The following PTPRD variants were observed in gnomAD, a reference collection of about 807,000 sequenced individuals.
The protein encoded by PTPRD is protein tyrosine phosphatase receptor type D, also known as receptor-type tyrosine-protein phosphatase delta.
In PTPRD, 34 loss-of-function variants were observed where a neutral mutation model predicts 214.5. The ratio of observed to expected loss-of-function variants is 0.16; its 90% CI spans 0.12 to 0.21. PTPRD has a LOEUF of 0.21. PTPRD is among the 10% of genes least tolerant of loss of function. PTPRD has a pLI of 1.00. For synonymous variants in PTPRD, 1,128 were observed against 845.7 expected (o/e 1.33, Z -5.79); for missense variants, 2,545 against 2,398.7 (o/e 1.06, Z -1.27).
At chr9:9,710,032 C>T (rs1009575556) in intron 7 of PTPRD, among the ~76,000 whole-genome samples, 2 of 151,624 alleles carry the variant, frequency 1.3e-5, no homozygotes. Context: ...TTTTTAAAAG[C>T]AGATTTTGTT....
rs147221234 is a variant in PTPRD, at chr9:9,266,748, T to C, written c.-202-83385A>G. 4.3e-3 allele frequency among the ~76,000 whole-genome samples: 646 copies of C among 151,294 alleles called. 2 individuals are homozygous for C. The highest frequency in any genetic ancestry group is 0.015 in the African/African-American group (619 of 41,406). ...GTATCAAAAAGGAATTTAAAAAATA[T>C]TTTGAGACAAATGAAAATGAAAATA... On this transcript the variant is annotated intron_variant, in intron 9 of 45. Transcript: ENST00000381196.
chr9:9,993,459 T>C (rs1202719693), intron 4 of PTPRD, among the ~76,000 whole-genome samples: 2 of 152,176 alleles, frequency 1.3e-5, no homozygotes, highest in African/African-American at 2.4e-5. Context: ...TATAATAAAA[T>C]ATTAAGCAGC....
chr9:9,780,638 T>C (rs1423090852), intron 5 of PTPRD, among the ~76,000 whole-genome samples: 1 of 152,188 alleles, frequency 6.6e-6, no homozygotes, highest in South Asian at 2.1e-4. Flanking sequence ...TTTGGTGATT[T>C]CTTACAAAGC....
intron 10 of PTPRD, among the ~76,000 whole-genome samples, chr9:9,035,298 G>A (rs1175449995): frequency 2.6e-5 from 4 of 152,066 alleles, no homozygotes; most frequent in Admixed American, 2.6e-4. Flanking sequence ...AACGTGTACT[G>A]TAGAAAACCT....
intron 2 of PTPRD, among the ~76,000 whole-genome samples, chr9:10,446,430 T>C (rs985862747): frequency 3.4e-5 from 5 of 146,012 alleles, no homozygotes; most frequent in African/African-American, 1.3e-4. Flanking sequence ...TTTTTTTTTT[T>C]TTTTTTTTTT....
chr9:9,847,658 G>A (rs1193137771), intron 5 of PTPRD, among the ~76,000 whole-genome samples: 1 of 152,068 alleles, frequency 6.6e-6, no homozygotes, highest in East Asian at 1.9e-4. Flanking sequence ...TTCTGTTTCT[G>A]TGGTAGCTTT....
chr9:10,242,601 T>A (rs1364670438), intron 3 of PTPRD, among the ~76,000 whole-genome samples: 1 of 104,116 alleles, frequency 9.6e-6, no homozygotes, highest in Non-Finnish European at 2.0e-5. Context: ...GAGGCAGGCA[T>A]TGAATACATT....
chr9:10,165,691 A>G (rs1012182716), intron 3 of PTPRD, among the ~76,000 whole-genome samples: 12 of 151,698 alleles, frequency 7.9e-5, no homozygotes, highest in African/African-American at 2.7e-4. Flanking sequence ...AATGAATTAA[A>G]ATAATGGAGG....
chr9:10,372,891 C>G (rs961463380), intron 2 of PTPRD, among the ~76,000 whole-genome samples: 1 of 149,884 alleles, frequency 6.7e-6, no homozygotes, highest in Non-Finnish European at 1.5e-5. Context: ...GCTCTATCAC[C>G]CAGGTTGGAG....
chr9:8,721,583 T>C (rs1311391439), intron 12 of PTPRD, among the ~76,000 whole-genome samples: 2 of 152,166 alleles, frequency 1.3e-5, no homozygotes, highest in African/African-American at 2.4e-5. Flanking sequence ...TAAAATAGTT[T>C]ATAATAATGG....
intron 3 of PTPRD, among the ~76,000 whole-genome samples, chr9:10,187,044 G>T (rs957046433): frequency 6.6e-6 from 1 of 152,082 alleles, no homozygotes; most frequent in Non-Finnish European, 1.5e-5. Context: ...TGCTTTTTAA[G>T]AAATCAACAT....
chr9:10,414,346 A>G (rs1251321567), intron 2 of PTPRD, among the ~76,000 whole-genome samples: 1 of 152,044 alleles, frequency 6.6e-6, no homozygotes, highest in Non-Finnish European at 1.5e-5. Flanking sequence ...AAAGCTCAAT[A>G]TTACTGATCA....
chr9:8,697,026 G>C (rs1597275323), intron 12 of PTPRD, among the ~76,000 whole-genome samples: 1 of 152,150 alleles, frequency 6.6e-6, no homozygotes, highest in African/African-American at 2.4e-5. Flanking sequence ...GAGAACAACA[G>C]TAACAGTTTC....
intron 11 of PTPRD, among the ~76,000 whole-genome samples, chr9:8,776,076 G>A (rs977417880): frequency 6.6e-6 from 1 of 152,118 alleles, no homozygotes; most frequent in Non-Finnish European, 1.5e-5. Flanking sequence ...TTTAAAAGCA[G>A]ACAATAACAA....
chr9:9,352,327 A>ATATATATATATGTGTG lies in PTPRD; in HGVS notation c.-203+45121_-203+45122insCACACATATATATATA, dbSNP rs1555280411. On this transcript the variant is annotated intron_variant, in intron 9 of 45. Coordinates refer to ENST00000381196, the MANE Select transcript of PTPRD (RefSeq NM_002839.4). ...CAAAAAACCATATATATATATATAT[A>ATATATATATATGTGTG]TGTGTGTGTGTGTGTGTGTGTGTGT... Among the ~76,000 whole-genome samples the ATATATATATATGTGTG allele has an allele frequency of 1.3e-3, 86 of 68,438 alleles. 1 individual carries two copies. Among genetic ancestry groups the ATATATATATATGTGTG allele is most frequent in the African/African-American group, 3.6e-3 (83 of 22,826 alleles). The allele number at this position is 68,438 out of a possible 152,430, so 44.9% of individuals were successfully genotyped here.
intron 12 of PTPRD, among the ~76,000 whole-genome samples, chr9:8,646,262 A>G (rs2096687729): frequency 6.6e-6 from 1 of 152,204 alleles, no homozygotes; most frequent in Non-Finnish European, 1.5e-5. Context: ...TCGACAATCA[A>G]TATTACACTT....
At chr9:10,128,018 G>C (rs77685500) in intron 3 of PTPRD, among the ~76,000 whole-genome samples, 3,540 of 152,132 alleles carry the variant, frequency 0.023, 123 homozygotes, top group African/African-American at 0.08. Context: ...GAAAGGCCTT[G>C]GTAGCTACAA....
chr9:8,605,885 G>A (rs1157445866), intron 14 of PTPRD, among the ~76,000 whole-genome samples: 1 of 152,142 alleles, frequency 6.6e-6, no homozygotes, highest in African/African-American at 2.4e-5. Context: ...ACGATTTGTA[G>A]CATGTAAATC....
chr9:8,582,096 G>A (rs1453053673), intron 14 of PTPRD, among the ~76,000 whole-genome samples: 1 of 152,002 alleles, frequency 6.6e-6, no homozygotes, highest in East Asian at 1.9e-4. Context: ...TTTGAAAATG[G>A]TAATGACAAA....
Sources: gnomAD v4.1 joint callset for allele counts (sites outside exome capture counted in the v4.1 genomes callset) on GRCh38, gnomAD v4.1.1 for gene constraint, MANE v1.5 for transcripts, NCBI Gene and HGNC (gene_info 2026-07-23, HGNC 2026-07-21) for gene names.